Variants in ZNF699 observed in about 807,000 individuals in gnomAD.
ZNF699 encodes zinc finger protein 699, also known as hangover homolog.
A neutral mutation model predicts 22.5 loss-of-function variants in ZNF699; 18 were observed. The ratio of observed to expected loss-of-function variants is 0.80; its 90% CI spans 0.55 to 1.19. ZNF699 has a LOEUF of 1.19. Among genes scored for constraint, ZNF699 ranks in the 50% most tolerant of loss-of-function variants. The pLI, the probability that ZNF699 is intolerant of heterozygous loss-of-function variation, is 0.00. For synonymous variants in ZNF699, 241 were observed against 262.3 expected, an observed-to-expected ratio of 0.92 and a Z score of 0.78; for missense variants, 670 against 763.4, an observed-to-expected ratio of 0.88 and a Z score of 1.44.
intron 3 of ZNF699, among the ~76,000 whole-genome samples, chr19:9,301,008 G>T (rs2050016149): frequency 6.6e-6 from 1 of 152,134 alleles, no homozygotes; most frequent in African/African-American, 2.4e-5. Context: ...TCTGGTGGGG[G>T]ATGTTGTTAT....
In ZNF699 at chr19:9,293,907, A is replaced by C. The variant is rs2066275413; in HGVS notation, c.*1568T>G. 6.6e-6 allele frequency among the ~76,000 whole-genome samples: 1 copy of C among 151,162 alleles called. No homozygotes were observed. Among genetic ancestry groups the C allele is most frequent in the African/African-American group, 2.4e-5 (1 of 41,228 alleles). On this transcript the variant is annotated 3_prime_UTR_variant, in exon 6 of 6. Coordinates refer to ENST00000591998, the MANE Select transcript of ZNF699 (RefSeq NM_198535.3). ...TAATACTGTAGCTAAAGGTACCTGAAGCAATTCATCTTCTTACATTTAAAA... is the reference window on the plus strand; with the variant it reads ...TAATACTGTAGCTAAAGGTACCTGACGCAATTCATCTTCTTACATTTAAAA...
chr19:9,304,939 A>AC, intron 2 of ZNF699, 133 bp downstream of exon 2: 1 of 610,806 alleles, frequency 1.6e-6, no homozygotes, highest in South Asian at 2.4e-5. Flanking sequence ...AAAAAAAAAA[A>AC]ACTATAGCCT....
In ZNF699 at chr19:9,291,623, A is replaced by G. The variant is rs918706500; in HGVS notation, c.*3852T>C. The G allele has an allele frequency of 2.0e-5, 3 of 152,096 alleles. No homozygotes were observed. Among genetic ancestry groups the G allele is most frequent in the African/African-American group, 7.2e-5 (3 of 41,404 alleles). 9.4% of individuals were successfully genotyped at this position (152,096 alleles called of 1,614,324 possible). ...GAAGGAAACATAGGAGAGTAGATTC[A>G]TTATCTTGGTCCAGGCAAATAATTC... On this transcript the variant is annotated 3_prime_UTR_variant, in exon 6 of 6. Coordinates refer to ENST00000591998, the MANE Select transcript of ZNF699 (RefSeq NM_198535.3).
intron 1 of ZNF699, 148 bp from the exon 2 acceptor site, chr19:9,305,272 C>G (rs971686720): frequency 2.1e-5 from 13 of 624,012 alleles, no homozygotes; most frequent in Non-Finnish European, 3.7e-5. Context: ...CACATACACA[C>G]ACACACACAC....
Position 9,297,586 on chromosome 19 carries a change from T to A in ZNF699, c.287-107A>T. ...CACAAGGGTCAAAATGGTAAGCAAT[T>A]AACTAAGAAATAATTTTATGAAGAT... On this transcript the variant is annotated intron_variant, in intron 4 of 5. Transcript: ENST00000591998. This position sits in a 1 kb window ranked among gnomAD's most constrained non-coding sequence, Gnocchi z 4.3. 2 of 806,228 alleles carry A rather than the reference T, an allele frequency of 2.5e-6. No homozygotes were observed. The highest frequency in any genetic ancestry group is 3.9e-6 in the Non-Finnish European group (2 of 518,694). 49.9% of individuals were successfully genotyped at this position (806,228 alleles called of 1,614,324 possible).
chr19:9,299,381 G>A (rs1442316245), intron 3 of ZNF699, among the ~76,000 whole-genome samples: 8 of 152,116 alleles, frequency 5.3e-5, no homozygotes, highest in Non-Finnish European at 1.2e-4. Context: ...TGATTCACCC[G>A]CCTCGGCCTC....
intron 3 of ZNF699, among the ~76,000 whole-genome samples, chr19:9,299,848 TAAAACTC>T (rs952067448): frequency 1.4e-5 from 2 of 145,608 alleles, no homozygotes; most frequent in African/African-American, 2.5e-5. Context: ...AAAGAACTCT[TAAAACTC>T]AACAATGTTT....
intron 3 of ZNF699, among the ~76,000 whole-genome samples, chr19:9,299,913 T>C (rs903537462): frequency 2.7e-5 from 4 of 148,546 alleles, no homozygotes; most frequent in African/African-American, 9.8e-5. Context: ...TACAGACACC[T>C]CACCAAAGAA....
In ZNF699 at chr19:9,295,754, C is replaced by T. The variant is rs1258456391; in HGVS notation, c.1650G>A (p.Met550Ile). ...FIYPSALRIH[M>I]RTHTGEKPYE... ...AGGGTTTTTCCCCAGTGTGCGTTCT[C>T]ATGTGGATCCTAAGGGCTGAGGGAT... is the stretch of plus-strand genomic sequence containing the variant. Residue 550 changes from methionine to isoleucine, a missense_variant, in exon 6 of 6, where the codon ATG becomes ATA. By Grantham distance (10) the Met-to-Ile change is conservative. Coordinates refer to ENST00000591998, the MANE Select transcript of ZNF699 (RefSeq NM_198535.3). 5.6e-6 allele frequency: 9 copies of T among 1,613,816 alleles called. No individual in the cohort carries two copies. The highest frequency in any genetic ancestry group is 7.6e-6 in the Non-Finnish European group (9 of 1,179,990).
At chr19:9,306,741 G>T (rs1452122515) in intron 1 of ZNF699, among the ~76,000 whole-genome samples, 1 of 152,162 alleles carries the variant, frequency 6.6e-6, no homozygotes, top group Non-Finnish European at 1.5e-5. Context: ...CTGAGGCAGG[G>T]TATGAATGCA....
At chr19:9,306,135 T>C (rs2066326993) in intron 1 of ZNF699, among the ~76,000 whole-genome samples, 1 of 151,306 alleles carries the variant, frequency 6.6e-6, no homozygotes, top group Admixed American at 6.6e-5. Flanking sequence ...GGCTCACGCC[T>C]GTAATCCCAG....
At chr19:9,303,237 CTGGAGATTCCACAGGT>C (rs1568346557) in intron 2 of ZNF699, among the ~76,000 whole-genome samples, 2 of 152,142 alleles carry the variant, frequency 1.3e-5, no homozygotes, top group Admixed American at 1.3e-4. Flanking sequence ...TACTATCTAC[CTGGAGATTCCACAGGT>C]TGGAGATTCC....
chr19:9,292,749 T>C lies in ZNF699; in HGVS notation c.*2726A>G, dbSNP rs1201888912. On this transcript the variant is annotated 3_prime_UTR_variant, in exon 6 of 6. Coordinates refer to ENST00000591998, the MANE Select transcript of ZNF699 (RefSeq NM_198535.3). ...ATATATGATACATGGTTTATACATA[T>C]CTATGCATGTGTACCTAGATATAGA... 6.6e-6 allele frequency among the ~76,000 whole-genome samples: 1 copy of C among 152,032 alleles called. No individual in the cohort carries two copies. The highest frequency in any genetic ancestry group is 2.4e-5 in the African/African-American group (1 of 41,422).
Position 9,293,087 on chromosome 19 carries a change from A to G in ZNF699, c.*2388T>C, listed in dbSNP as rs1365606868. Among the ~76,000 whole-genome samples the G allele has an allele frequency of 2.6e-5, 4 of 151,198 alleles. No homozygotes were observed. In the East Asian group the frequency reaches 7.8e-4, roughly 29 times the overall value. On this transcript the variant is annotated 3_prime_UTR_variant, in exon 6 of 6. Coordinates refer to ENST00000591998, the MANE Select transcript of ZNF699 (RefSeq NM_198535.3). ...GGAAGCGGAGATTGCAGTGAGCAAG[A>G]TCACGCCACTGCACTCCAACCTGGG...
rs780344896 is a variant in ZNF699, at chr19:9,295,525, GACAA to G, written c.1875_1878del (p.Cys626LeufsTer8). 81 of 1,613,582 alleles carry G rather than the reference GACAA, an allele frequency of 5.0e-5. No individual in the cohort carries two copies. Among genetic ancestry groups the G allele is most frequent in the Non-Finnish European group, 6.2e-5 (73 of 1,179,780 alleles). On this transcript the variant is annotated frameshift_variant, in exon 6 of 6. Transcript: ENST00000591998. LOFTEE classifies it low-confidence loss of function (END_TRUNC). ...TTCACATGCCTTCGAAAGTAGGCAGGACAAACAAAGGCTTTCCCACATTCCTTAC... is the reference window on the plus strand; with the variant it reads ...TTCACATGCCTTCGAAAGTAGGCAGGACAAAGGCTTTCCCACATTCCTTAC...
At chr19:9,300,470 T>A (rs982019056) in intron 3 of ZNF699, among the ~76,000 whole-genome samples, 1 of 152,138 alleles carries the variant, frequency 6.6e-6, no homozygotes, top group Non-Finnish European at 1.5e-5. Context: ...AAAACTTAAG[T>A]CCACATAAAA....
Position 9,297,854 on chromosome 19 carries a change from A to T in ZNF699, c.286+26T>A, listed in dbSNP as rs374308498. 2.9e-5 allele frequency: 46 copies of T among 1,564,960 alleles called. No homozygotes were observed. The highest frequency in any genetic ancestry group is 4.0e-5 in the Non-Finnish European group (46 of 1,140,158). On this transcript the variant is annotated intron_variant, in intron 4 of 5. Coordinates refer to ENST00000591998, the MANE Select transcript of ZNF699 (RefSeq NM_198535.3). The surrounding 1 kb of genome is among the most constrained non-coding windows in gnomAD (Gnocchi z 4.3). ...TTAAGTTTATTTTTTCCCCCAACCA[A>T]AACAGTTTCTCCCAAGGGTTCTTGC...
At chr19:9,302,098 C>A (rs1047223131) in intron 3 of ZNF699, among the ~76,000 whole-genome samples, 1 of 152,024 alleles carries the variant, frequency 6.6e-6, no homozygotes, top group African/African-American at 2.4e-5. Context: ...GACGGGGTTT[C>A]TCCATGTTGG....
chr19:9,297,192 C>T lies in ZNF699; in HGVS notation c.470+104G>A. The stretch of plus-strand genomic sequence containing the variant: ...TGAAAATTCTTTCTCAAACCACAAT[C>T]TTTGATCTAGGCTTATTTATATATA... On this transcript the variant is annotated intron_variant, in intron 5 of 5. Transcript: ENST00000591998. The surrounding 1 kb of genome is among the most constrained non-coding windows in gnomAD (Gnocchi z 4.3). The T allele has an allele frequency of 8.1e-7, 1 of 1,227,998 alleles. No individual in the cohort carries two copies. The highest frequency in any genetic ancestry group is 1.1e-6 in the Non-Finnish European group (1 of 893,492). 76.1% of individuals were successfully genotyped at this position (1,227,998 alleles called of 1,614,324 possible). A position where few individuals can be genotyped will look rare whatever the true frequency, so the allele number is the denominator to read the frequency against.
Sources: gnomAD v4.1 joint callset for allele counts (sites outside exome capture counted in the v4.1 genomes callset) on GRCh38, gnomAD v4.1.1 for gene constraint, Gnocchi (gnomAD v3.1) non-coding constraint, MANE v1.5 for transcripts, NCBI Gene and HGNC (gene_info 2026-07-23, HGNC 2026-07-21) for gene names.